Variants in BCAS4 observed in about 807,000 individuals in gnomAD.
The protein encoded by BCAS4 is breast carcinoma-amplified sequence 4.
A neutral mutation model predicts 15.7 loss-of-function variants in BCAS4; 9 were observed. That is an observed-to-expected ratio of 0.57 (90% CI 0.34 to 1.00). The LOEUF is 1.00. Ranked by LOEUF, BCAS4 falls within the 50% of genes least tolerant of loss-of-function variation. BCAS4 has a pLI of 0.02. For synonymous variants in BCAS4, 101 were observed against 99.5 expected (o/e 1.02, Z -0.09); for missense variants, 225 against 239.1 (o/e 0.94, Z 0.39).
intron 4 of BCAS4, among the ~76,000 whole-genome samples, chr20:50,860,296 C>T (rs913155058): frequency 6.6e-6 from 1 of 152,180 alleles, no homozygotes; most frequent in Non-Finnish European, 1.5e-5. Flanking sequence ...TTGCATATGG[C>T]ATAAGTCCTG....
intron 1 of BCAS4, among the ~76,000 whole-genome samples, chr20:50,804,529 T>C (rs2087967267): frequency 6.6e-6 from 1 of 152,260 alleles, no homozygotes; most frequent in Non-Finnish European, 1.5e-5. Flanking sequence ...AATAAATATC[T>C]CTGCACATAC....
intron 2 of BCAS4, among the ~76,000 whole-genome samples, chr20:50,824,178 A>G (rs2088250295): frequency 6.6e-6 from 1 of 152,250 alleles, no homozygotes; most frequent in South Asian, 2.1e-4. Context: ...TAGCTTGTCC[A>G]GTCCCTCTGA....
At chr20:50,819,247 C>T (rs1012661353) in intron 2 of BCAS4, among the ~76,000 whole-genome samples, 2 of 152,012 alleles carry the variant, frequency 1.3e-5, no homozygotes, top group Admixed American at 6.6e-5. Flanking sequence ...TGCTGCCAGC[C>T]AGGTGTGGAG....
intron 4 of BCAS4, among the ~76,000 whole-genome samples, chr20:50,850,651 G>A (rs565902781): frequency 2.0e-5 from 3 of 152,272 alleles, no homozygotes; most frequent in Non-Finnish European, 4.4e-5. Context: ...GGCCTATCTG[G>A]AAGCACCCCA....
intron 1 of BCAS4, among the ~76,000 whole-genome samples, chr20:50,810,366 G>A (rs1421307581): frequency 1.3e-5 from 2 of 151,930 alleles, no homozygotes; most frequent in Non-Finnish European, 1.5e-5. Flanking sequence ...CCTCTTCACC[G>A]GAGTTGCTGC....
intron 4 of BCAS4, among the ~76,000 whole-genome samples, chr20:50,850,788 C>CA (rs1182422218): frequency 6.6e-6 from 1 of 152,178 alleles, no homozygotes; most frequent in Non-Finnish European, 1.5e-5. Context: ...TTGAGTCTCC[C>CA]CCCCGGTAGA....
intron 3 of BCAS4, chr20:50,840,573 T>C (rs1197301819): frequency 6.5e-7 from 1 of 1,546,000 alleles, no homozygotes; most frequent in South Asian, 1.1e-5. Context: ...AAGAAGGCAA[T>C]GCTTGTGGAA....
chr20:50,869,742 C>CTTT (rs55685532), intron 4 of BCAS4, among the ~76,000 whole-genome samples: 921 of 77,638 alleles, frequency 0.012, 41 homozygotes, highest in African/African-American at 0.021. Context: ...CCTGGCACTG[C>CTTT]TTTTTTTTTT....
chr20:50,856,420 C>T (rs929402220), intron 4 of BCAS4, among the ~76,000 whole-genome samples: 67 of 152,120 alleles, frequency 4.4e-4, no homozygotes, highest in African/African-American at 1.5e-3. Context: ...TTAGGGAATC[C>T]TAATAATTAA....
intron 1 of BCAS4, among the ~76,000 whole-genome samples, chr20:50,809,730 T>C (rs1569019462): frequency 1.3e-5 from 2 of 152,234 alleles, no homozygotes; most frequent in African/African-American, 2.4e-5. Flanking sequence ...ATTCTACCCA[T>C]CCATGAGCAT....
intron 3 of BCAS4, among the ~76,000 whole-genome samples, chr20:50,839,798 C>T (rs1270002311): frequency 1.3e-5 from 2 of 152,030 alleles, no homozygotes; most frequent in African/African-American, 4.8e-5. Context: ...GAGAGCTATT[C>T]CACCTGGCCA....
intron 2 of BCAS4, among the ~76,000 whole-genome samples, chr20:50,828,260 G>A (rs955537375): frequency 6.6e-6 from 1 of 151,906 alleles, no homozygotes; most frequent in Non-Finnish European, 1.5e-5. Context: ...CCAGAGAGAT[G>A]GCAGTGCTGT....
chr20:50,849,368 C>T (rs905929472), intron 4 of BCAS4, among the ~76,000 whole-genome samples: 6 of 152,172 alleles, frequency 3.9e-5, no homozygotes, highest in South Asian at 4.1e-4. Flanking sequence ...CTGCCTGGCC[C>T]ACCTGTTCAC....
At chr20:50,864,824 T>C (rs1441435555) in intron 4 of BCAS4, among the ~76,000 whole-genome samples, 1 of 152,134 alleles carries the variant, frequency 6.6e-6, no homozygotes, top group Non-Finnish European at 1.5e-5. Context: ...CTGGGCGCAG[T>C]GGCTCATGCC....
intron 3 of BCAS4, among the ~76,000 whole-genome samples, chr20:50,838,913 G>A (rs1036402494): frequency 1.3e-5 from 2 of 152,066 alleles, no homozygotes; most frequent in Admixed American, 6.6e-5. Context: ...AGAAAGGAGA[G>A]CAGGGCGCTA....
At chr20:50,825,375 C>T (rs925949259) in intron 2 of BCAS4, among the ~76,000 whole-genome samples, 1 of 152,198 alleles carries the variant, frequency 6.6e-6, no homozygotes, top group Non-Finnish European at 1.5e-5. Flanking sequence ...AGCCACCGCA[C>T]CTGGCCCTAA....
chr20:50,844,801 G>A (rs1263966353), intron 4 of BCAS4, among the ~76,000 whole-genome samples: 8 of 152,078 alleles, frequency 5.3e-5, no homozygotes, highest in Admixed American at 2.0e-4. Flanking sequence ...TCTCCTCTCC[G>A]CCACACTGGG....
At chr20:50,816,878 C>T (rs565047562) in intron 1 of BCAS4, among the ~76,000 whole-genome samples, 4 of 140,344 alleles carry the variant, frequency 2.9e-5, no homozygotes, top group African/African-American at 5.4e-5. Context: ...GACCTTGGCT[C>T]ACTGCAGCCT....
intron 1 of BCAS4, among the ~76,000 whole-genome samples, chr20:50,798,750 C>T (rs2087895052): frequency 6.6e-6 from 1 of 152,170 alleles, no homozygotes; most frequent in African/African-American, 2.4e-5. Context: ...CTCTGCCTTC[C>T]TAGTGTCCCA....
Sources: allele counts gnomAD v4.1 joint callset (sites outside exome capture counted in the v4.1 genomes callset), GRCh38; gene constraint gnomAD v4.1.1; transcripts MANE v1.5; gene names NCBI Gene and HGNC (gene_info 2026-07-23, HGNC 2026-07-21).